Variants in NOL4L observed in about 807,000 individuals in gnomAD.
The protein encoded by NOL4L is nucleolar protein 4-like.
In NOL4L, 7 loss-of-function variants were observed where a neutral mutation model predicts 64.5. The ratio of observed to expected loss-of-function variants is 0.11; its 90% CI spans 0.06 to 0.20. The LOEUF is 0.20. Among genes scored for constraint, NOL4L ranks in the 10% least tolerant of loss-of-function variants. NOL4L has a pLI of 1.00. For synonymous variants in NOL4L, 413 were observed against 401.0 expected (o/e 1.03, Z -0.36); for missense variants, 680 against 967.1 (o/e 0.70, Z 3.94).
chr20:32,488,667 G>C (rs2016199670), intron 4 of NOL4L, among the ~76,000 whole-genome samples: 1 of 152,044 alleles, frequency 6.6e-6, no homozygotes, highest in Admixed American at 6.5e-5. Flanking sequence ...TCTTCACTTG[G>C]GAATGTAAGT....
At chr20:32,483,335 C>A in intron 4 of NOL4L, 1 of 980,904 alleles carries the variant, frequency 1.0e-6, no homozygotes, top group Non-Finnish European at 1.2e-6. Context: ...ACGGCCCGAT[C>A]GCCGGGATCC....
chr20:32,476,135 C>T (rs1241243373), intron 4 of NOL4L, among the ~76,000 whole-genome samples: 1 of 151,758 alleles, frequency 6.6e-6, no homozygotes, highest in African/African-American at 2.4e-5. Flanking sequence ...CTGCCTGCTC[C>T]ATAAACACAA....
intron 4 of NOL4L, among the ~76,000 whole-genome samples, chr20:32,497,618 T>C (rs1228443761): frequency 7.9e-5 from 12 of 152,148 alleles, no homozygotes; most frequent in Non-Finnish European, 4.4e-5. Flanking sequence ...AGATCACGAA[T>C]CCCTTCTGGG....
chr20:32,466,993 G>A (rs964293817), intron 5 of NOL4L, among the ~76,000 whole-genome samples: 1 of 152,142 alleles, frequency 6.6e-6, no homozygotes, highest in African/African-American at 2.4e-5. Context: ...GGCATCACCT[G>A]AGGAGGACAC....
At chr20:32,532,667 A>T (rs2018386228) in intron 1 of NOL4L, among the ~76,000 whole-genome samples, 1 of 152,170 alleles carries the variant, frequency 6.6e-6, no homozygotes. Context: ...GCTTCATCTA[A>T]TCCATTGCCC....
At position 32,536,678 on chromosome 20, in the gene NOL4L, A is replaced by C. The variant is rs182449740; in HGVS notation, c.322-8765T>G. Among the ~76,000 whole-genome samples, 1,287 of 149,216 alleles carry C rather than the reference A, an allele frequency of 8.6e-3. 19 individuals carry two copies. The highest frequency in any genetic ancestry group is 0.011 in the Non-Finnish European group (754 of 67,004). ...ACCCACCAGAGGAAGTGTATTCTGC[A>C]GGAGACGTTAATCCCCTCTCCCCGG... is the stretch of plus-strand genomic sequence containing the variant. On this transcript the variant is annotated intron_variant, in intron 1 of 10. Coordinates refer to ENST00000621426, the MANE Select transcript of NOL4L (RefSeq NM_001256798.2).
intron 4 of NOL4L, among the ~76,000 whole-genome samples, chr20:32,507,694 G>C (rs776608438): frequency 1.3e-5 from 2 of 152,158 alleles, no homozygotes; most frequent in Non-Finnish European, 2.9e-5. Context: ...TTCAGATATA[G>C]AGCTTTGTTC....
At chr20:32,583,422 G>GGGGC (rs1980627152) in intron 1 of NOL4L, among the ~76,000 whole-genome samples, 1 of 149,792 alleles carries the variant, frequency 6.7e-6, no homozygotes. Context: ...GGCTGAGCGC[G>GGGGC]GGGCGGGCGG....
chr20:32,534,754 G>A (rs1041251995), intron 1 of NOL4L, among the ~76,000 whole-genome samples: 4 of 151,586 alleles, frequency 2.6e-5, no homozygotes, highest in African/African-American at 7.3e-5. Flanking sequence ...GGCGGCATTC[G>A]ACTGTAGTCC....
chr20:32,563,374 G>A (rs1979218509), intron 1 of NOL4L, among the ~76,000 whole-genome samples: 1 of 151,658 alleles, frequency 6.6e-6, no homozygotes, highest in Non-Finnish European at 1.5e-5. Flanking sequence ...CCTGGGTCAG[G>A]CCCTATTCTA....
chr20:32,560,461 C>G (rs1978940661), intron 1 of NOL4L, among the ~76,000 whole-genome samples: 1 of 152,248 alleles, frequency 6.6e-6, no homozygotes, highest in Non-Finnish European at 1.5e-5. Flanking sequence ...CTGATTGCCA[C>G]AGATGGCATG....
At chr20:32,490,026 G>T (rs2016391990) in intron 4 of NOL4L, among the ~76,000 whole-genome samples, 2 of 150,022 alleles carry the variant, frequency 1.3e-5, no homozygotes, top group African/African-American at 2.5e-5. Context: ...CTACTGGGGA[G>T]GCTGAGGCAG....
chr20:32,575,531 G>C (rs975759080), intron 1 of NOL4L, among the ~76,000 whole-genome samples: 1 of 152,176 alleles, frequency 6.6e-6, no homozygotes, highest in Non-Finnish European at 1.5e-5. Flanking sequence ...TCTGCGCCCT[G>C]GGGCTGCTCA....
At chr20:32,476,457 C>T (rs375547965) in intron 4 of NOL4L, among the ~76,000 whole-genome samples, 9 of 152,216 alleles carry the variant, frequency 5.9e-5, no homozygotes, top group Admixed American at 5.9e-4. Context: ...CTTGCATGGG[C>T]CCCTTGCTAC....
At chr20:32,550,562 A>C (rs1351366264) in intron 1 of NOL4L, among the ~76,000 whole-genome samples, 1 of 152,192 alleles carries the variant, frequency 6.6e-6, no homozygotes, top group East Asian at 1.9e-4. Flanking sequence ...CCTGGTCAAC[A>C]TGGTGAAACT....
At chr20:32,571,625 T>C (rs375638913) in intron 1 of NOL4L, among the ~76,000 whole-genome samples, 1 of 152,184 alleles carries the variant, frequency 6.6e-6, no homozygotes, top group Admixed American at 6.5e-5. Flanking sequence ...CCTCTCCCCA[T>C]GGCACCGTTT....
At chr20:32,489,866 C>G (rs569952558) in intron 4 of NOL4L, among the ~76,000 whole-genome samples, 2 of 151,362 alleles carry the variant, frequency 1.3e-5, no homozygotes, top group Non-Finnish European at 2.9e-5. Flanking sequence ...TGGTGACTCA[C>G]GCCTGTAATC....
In NOL4L at chr20:32,584,977, C is replaced by T. The variant is rs1318769118; in HGVS notation, c.-87G>A. 3.1e-5 allele frequency: 23 copies of T among 736,320 alleles called. No individual in the cohort carries two copies. The South Asian group carries it at 1.2e-3, about 37-fold the overall frequency. 45.6% of individuals were successfully genotyped at this position (736,320 alleles called of 1,614,324 possible). A position where few individuals can be genotyped will look rare whatever the true frequency, so the allele number is the denominator to read the frequency against. The stretch of plus-strand genomic sequence containing the variant: ...CTGGGCTGGGCTGGGCTGGACCGGG[C>T]CGGGACGCGCCGCGGCCGCGTCTGT... On this transcript the variant is annotated 5_prime_UTR_variant, in exon 1 of 11. Transcript: ENST00000621426.
intron 6 of NOL4L, among the ~76,000 whole-genome samples, chr20:32,454,327 C>T (rs888809868): frequency 2.6e-5 from 4 of 152,216 alleles, no homozygotes; most frequent in Non-Finnish European, 4.4e-5. Context: ...GGATGCGTTC[C>T]CGCAGCTCCT....
Sources: allele counts gnomAD v4.1 joint callset (sites outside exome capture counted in the v4.1 genomes callset), GRCh38; gene constraint gnomAD v4.1.1; transcripts MANE v1.5; gene names NCBI Gene and HGNC (gene_info 2026-07-23, HGNC 2026-07-21).